CNTN5: variants seen among roughly 807,000 people sequenced by gnomAD.
CNTN5 encodes the protein contactin-5.
CNTN5 carries 77 observed loss-of-function variants against 129.1 expected under a neutral mutation model. The ratio of observed to expected loss-of-function variants is 0.60; its 90% confidence interval spans 0.50 to 0.72. The LOEUF is 0.72. Among genes scored for constraint, CNTN5 ranks in the 30% least tolerant of loss-of-function variants. The pLI is 0.00. For missense variants in CNTN5, 1,478 were observed against 1,328.8 expected (o/e 1.11, Z -1.75); for synonymous variants, 509 against 465.6 (o/e 1.09, Z -1.20).
intron 1 of CNTN5, among the ~76,000 whole-genome samples, chr11:99,247,162 A>G (rs969166911): frequency 6.6e-6 from 1 of 152,160 alleles, no homozygotes; most frequent in African/African-American, 2.4e-5. Context: ...TGGAGTTATT[A>G]GCATTGACTA....
intron 2 of CNTN5, among the ~76,000 whole-genome samples, chr11:99,502,073 C>T (rs1290432949): frequency 6.6e-6 from 1 of 152,158 alleles, no homozygotes; most frequent in Non-Finnish European, 1.5e-5. Context: ...TCTTCGGCCT[C>T]ATAACATTGT....
At chr11:100,231,487 G>A (rs1455226110) in intron 16 of CNTN5, among the ~76,000 whole-genome samples, 1 of 152,166 alleles carries the variant, frequency 6.6e-6, no homozygotes, top group Non-Finnish European at 1.5e-5. Flanking sequence ...TGCAATGCTT[G>A]AGTGGCCCAT....
chr11:100,225,500 C>G (rs749198124), intron 16 of CNTN5: 1 of 152,004 alleles, frequency 6.6e-6, no homozygotes, highest in Admixed American at 6.6e-5. Context: ...TTCTTTCTTC[C>G]CTGCCTCTTT....
intron 9 of CNTN5, among the ~76,000 whole-genome samples, chr11:100,053,259 A>G (rs2137754838): frequency 6.6e-6 from 1 of 151,910 alleles, no homozygotes; most frequent in South Asian, 2.1e-4. Flanking sequence ...AACTTCATCA[A>G]AATTAAAACC....
intron 1 of CNTN5, among the ~76,000 whole-genome samples, chr11:99,170,013 T>C (rs1861067685): frequency 6.6e-6 from 1 of 152,206 alleles, no homozygotes; most frequent in Admixed American, 6.5e-5. Context: ...AGATTACTTC[T>C]TGTTTTCCAG....
intron 2 of CNTN5, among the ~76,000 whole-genome samples, chr11:99,332,108 G>A (rs1286566907): frequency 4.6e-5 from 7 of 152,066 alleles, no homozygotes; most frequent in Non-Finnish European, 1.0e-4. Flanking sequence ...ATAGCTAACT[G>A]ATAGAACTAT....
intron 8 of CNTN5, among the ~76,000 whole-genome samples, chr11:99,996,883 G>T (rs1439282847): frequency 1.3e-5 from 2 of 152,056 alleles, no homozygotes; most frequent in Admixed American, 1.3e-4. Flanking sequence ...CAGCATGGGG[G>T]AAACTGCCCC....
At chr11:99,434,075 G>T (rs1032322977) in intron 2 of CNTN5, among the ~76,000 whole-genome samples, 1 of 152,104 alleles carries the variant, frequency 6.6e-6, no homozygotes, top group African/African-American at 2.4e-5. Context: ...GAAGATCACA[G>T]TTCCAGGCCC....
intron 2 of CNTN5, among the ~76,000 whole-genome samples, chr11:99,364,547 A>G (rs1419693936): frequency 6.6e-6 from 1 of 152,146 alleles, no homozygotes; most frequent in Non-Finnish European, 1.5e-5. Context: ...GCCTTTCTCT[A>G]TCATCCATTT....
intron 6 of CNTN5, among the ~76,000 whole-genome samples, chr11:99,913,917 G>A (rs766052192): frequency 3.9e-5 from 6 of 151,962 alleles, no homozygotes; most frequent in Non-Finnish European, 5.9e-5. Context: ...TTGTAGATTC[G>A]ATGAAGATGA....
intron 18 of CNTN5, among the ~76,000 whole-genome samples, chr11:100,290,960 C>T (rs1337879698): frequency 2.0e-5 from 3 of 151,782 alleles, no homozygotes; most frequent in African/African-American, 2.4e-5. Context: ...CATGAACAGA[C>T]ACTTCTCAAA....
At chr11:100,032,158 A>G (rs1241401176) in intron 9 of CNTN5, among the ~76,000 whole-genome samples, 1 of 152,118 alleles carries the variant, frequency 6.6e-6, no homozygotes, top group Non-Finnish European at 1.5e-5. Context: ...CTTTACTTTT[A>G]TATATTTGGC....
chr11:99,448,673 T>C (rs1944170247), intron 2 of CNTN5, among the ~76,000 whole-genome samples: 1 of 152,008 alleles, frequency 6.6e-6, no homozygotes, highest in Non-Finnish European at 1.5e-5. Context: ...TGTTGTATTA[T>C]AGATGTGGAA....
At chr11:99,862,053 A>G (rs1303928422) in intron 6 of CNTN5, among the ~76,000 whole-genome samples, 1 of 152,160 alleles carries the variant, frequency 6.6e-6, no homozygotes, top group Admixed American at 6.5e-5. Flanking sequence ...TACATACAAT[A>G]TTTTTTCCAG....
chr11:99,131,747 G>A (rs1858949360), intron 1 of CNTN5, among the ~76,000 whole-genome samples: 2 of 152,042 alleles, frequency 1.3e-5, no homozygotes, highest in Admixed American at 6.6e-5. Context: ...CTGAAATTCA[G>A]GTGCTAATAA....
At chr11:99,805,927 G>A (rs1591218855) in intron 3 of CNTN5, among the ~76,000 whole-genome samples, 3 of 152,302 alleles carry the variant, frequency 2.0e-5, no homozygotes, top group Admixed American at 2.0e-4. Flanking sequence ...GCACTAAGCT[G>A]TTAAATGGGC....
intron 13 of CNTN5, among the ~76,000 whole-genome samples, chr11:100,138,823 G>T (rs1946605434): frequency 6.6e-6 from 1 of 152,160 alleles, no homozygotes; most frequent in Non-Finnish European, 1.5e-5. Flanking sequence ...GGCAGAAGCA[G>T]AAGGACAGGT....
At position 99,516,263 on chromosome 11, in the gene CNTN5, T is replaced by C. The variant is rs1218329512; in HGVS notation, c.-70-39882T>C. 3.9e-5 allele frequency among the ~76,000 whole-genome samples: 6 copies of C among 152,126 alleles called. No individual in the cohort carries two copies. The East Asian group carries it at 1.2e-3, about 29-fold the overall frequency. On this transcript the variant is annotated intron_variant, in intron 2 of 24. Transcript: ENST00000524871. ...AATCATTTTTACCATTCCAGTGGTA[T>C]ATGTTCTAATCAATTTCTAATATGT... is the stretch of plus-strand genomic sequence containing the variant.
chr11:100,059,549 T>C (rs1943376361), intron 9 of CNTN5, among the ~76,000 whole-genome samples: 1 of 151,980 alleles, frequency 6.6e-6, no homozygotes, highest in African/African-American at 2.4e-5. Flanking sequence ...TAAGCAAACA[T>C]TTCACAGAAA....
Sources: gnomAD v4.1 joint callset for allele counts (sites outside exome capture counted in the v4.1 genomes callset) on GRCh38, gnomAD v4.1.1 for gene constraint, MANE v1.5 for transcripts, NCBI Gene and HGNC (gene_info 2026-07-23, HGNC 2026-07-21) for gene names.